Variants in PALLD observed in about 807,000 individuals in gnomAD.
PALLD encodes palladin, cytoskeletal associated protein, also known as palladin.
A neutral mutation model predicts 123.5 loss-of-function variants in PALLD; 61 were observed. The ratio of observed to expected loss-of-function variants is 0.49; its 90% CI spans 0.40 to 0.61. PALLD has a LOEUF of 0.61. PALLD is among the 20% of genes least tolerant of loss of function. The pLI, the probability that PALLD is intolerant of heterozygous loss-of-function variation, is 0.00. For synonymous variants in PALLD, 465 were observed against 496.4 expected, an observed-to-expected ratio of 0.94 and a Z score of 0.84; for missense variants, 1,273 against 1,377.0, an observed-to-expected ratio of 0.92 and a Z score of 1.20.
At chr4:168,814,055 A>T (rs904529469) in intron 10 of PALLD, among the ~76,000 whole-genome samples, 3 of 152,170 alleles carry the variant, frequency 2.0e-5, no homozygotes, top group African/African-American at 7.2e-5. Context: ...GGGATGAAGC[A>T]ACAACAAAAA....
chr4:168,652,515 T>C (rs1470520257), intron 2 of PALLD, among the ~76,000 whole-genome samples: 3 of 152,236 alleles, frequency 2.0e-5, no homozygotes, highest in Non-Finnish European at 4.4e-5. Flanking sequence ...CTAGGGTACA[T>C]GTGCACAACG....
At chr4:168,574,443 C>A (rs546480241) in intron 2 of PALLD, among the ~76,000 whole-genome samples, 1 of 152,240 alleles carries the variant, frequency 6.6e-6, no homozygotes, top group South Asian at 2.1e-4. Context: ...ATCTTCAAAC[C>A]ACTGTCAGGC....
At chr4:168,860,572 C>A (rs1437678899) in intron 10 of PALLD, among the ~76,000 whole-genome samples, 1 of 152,188 alleles carries the variant, frequency 6.6e-6, no homozygotes, top group Admixed American at 6.5e-5. Flanking sequence ...GCCTGTAATC[C>A]TGCACTCTGG....
intron 8 of PALLD, among the ~76,000 whole-genome samples, chr4:168,697,680 C>T (rs1047931534): frequency 1.3e-5 from 2 of 152,148 alleles, no homozygotes; most frequent in African/African-American, 2.4e-5. Flanking sequence ...ATCTAGAAGT[C>T]GGCCATGTTG....
intron 10 of PALLD, among the ~76,000 whole-genome samples, chr4:168,760,030 G>T (rs146198299): frequency 0.013 from 2,005 of 151,618 alleles, 42 homozygotes; most frequent in African/African-American, 0.045. Context: ...CTCCAGCCTG[G>T]GCGACAGAGA....
chr4:168,794,520 A>G (rs1581507730), intron 10 of PALLD, among the ~76,000 whole-genome samples: 1 of 148,296 alleles, frequency 6.7e-6, no homozygotes, highest in African/African-American at 2.6e-5. Context: ...ACACACACAC[A>G]CACACACACA....
At chr4:168,915,400 G>A (rs1274172616) in intron 16 of PALLD, among the ~76,000 whole-genome samples, 1 of 152,126 alleles carries the variant, frequency 6.6e-6, no homozygotes, top group Non-Finnish European at 1.5e-5. Flanking sequence ...CTAGGCATAT[G>A]GATAACTAAT....
intron 10 of PALLD, among the ~76,000 whole-genome samples, chr4:168,816,648 C>T (rs909367518): frequency 1.3e-5 from 2 of 151,992 alleles, no homozygotes; most frequent in Non-Finnish European, 2.9e-5. Context: ...GAAATACATG[C>T]TTTGCGGTGA....
intron 2 of PALLD, among the ~76,000 whole-genome samples, chr4:168,661,694 T>C (rs924267818): frequency 6.6e-6 from 1 of 152,188 alleles, no homozygotes; most frequent in African/African-American, 2.4e-5. Context: ...CACTAGAAAT[T>C]AAAGAGGAAG....
At chr4:168,559,228 A>G (rs1767618200) in intron 2 of PALLD, among the ~76,000 whole-genome samples, 1 of 152,236 alleles carries the variant, frequency 6.6e-6, no homozygotes, top group African/African-American at 2.4e-5. Flanking sequence ...CAGTCACTTC[A>G]TGTTGACTGT....
At chr4:168,627,104 C>T (rs770896301) in intron 2 of PALLD, among the ~76,000 whole-genome samples, 1 of 152,166 alleles carries the variant, frequency 6.6e-6, no homozygotes, top group Non-Finnish European at 1.5e-5. Context: ...TTTTTAACAA[C>T]AACTAACATT....
At chr4:168,555,700 T>C (rs1022365743) in intron 2 of PALLD, among the ~76,000 whole-genome samples, 5 of 152,188 alleles carry the variant, frequency 3.3e-5, no homozygotes, top group African/African-American at 1.2e-4. Flanking sequence ...CATTTCAGAA[T>C]AGACTTGCCA....
chr4:168,604,915 T>C (rs1280949928), intron 2 of PALLD, among the ~76,000 whole-genome samples: 3 of 152,232 alleles, frequency 2.0e-5, no homozygotes, highest in Admixed American at 2.0e-4. Context: ...AGATATACTA[T>C]TACATTGGTC....
intron 2 of PALLD, among the ~76,000 whole-genome samples, chr4:168,533,397 G>A (rs1764784363): frequency 6.6e-6 from 1 of 152,106 alleles, no homozygotes; most frequent in East Asian, 1.9e-4. Flanking sequence ...CTGAATCAAG[G>A]AATGTTTTGA....
At chr4:168,783,982 C>T (rs1402372152) in intron 10 of PALLD, among the ~76,000 whole-genome samples, 1 of 152,048 alleles carries the variant, frequency 6.6e-6, no homozygotes, top group Non-Finnish European at 1.5e-5. Context: ...CTGTGGTTCA[C>T]GTCTATAATC....
intron 15 of PALLD, among the ~76,000 whole-genome samples, chr4:168,911,557 T>C (rs1428804626): frequency 6.6e-6 from 1 of 152,234 alleles, no homozygotes; most frequent in Non-Finnish European, 1.5e-5. Flanking sequence ...GTTCATGTGT[T>C]ATCTTGTATG....
intron 10 of PALLD, among the ~76,000 whole-genome samples, chr4:168,791,246 C>T (rs1737480767): frequency 6.6e-6 from 1 of 152,170 alleles, no homozygotes; most frequent in African/African-American, 2.4e-5. Context: ...GCAGAATAGT[C>T]CTTTCTCCAA....
At chr4:168,549,731 A>G (rs974441577) in intron 2 of PALLD, among the ~76,000 whole-genome samples, 1 of 152,116 alleles carries the variant, frequency 6.6e-6, no homozygotes, top group Admixed American at 6.6e-5. Flanking sequence ...AGAAAAGTTA[A>G]CCAGCCATTA....
At chr4:168,789,133 CTTGA>C (rs945434854) in intron 10 of PALLD, among the ~76,000 whole-genome samples, 11 of 152,238 alleles carry the variant, frequency 7.2e-5, no homozygotes, top group African/African-American at 2.6e-4. Context: ...TCTTTCGTAT[CTTGA>C]TTCTTTTGTT....
Sources: gnomAD v4.1 joint callset for allele counts (sites outside exome capture counted in the v4.1 genomes callset) on GRCh38, gnomAD v4.1.1 for gene constraint, MANE v1.5 for transcripts, NCBI Gene and HGNC (gene_info 2026-07-23, HGNC 2026-07-21) for gene names.